SLX9: variants seen among roughly 807,000 people sequenced by gnomAD.
The protein encoded by SLX9 is ribosome biogenesis protein SLX9 homolog.
SLX9 carries 19 observed loss-of-function variants against 20.8 expected under a neutral mutation model. That is an observed-to-expected ratio of 0.91 (90% CI 0.64 to 1.34). SLX9 has a LOEUF of 1.34. SLX9 is among the 40% of genes most tolerant of loss of function. SLX9 has a pLI of 0.00. For synonymous variants in SLX9, 113 were observed against 137.1 expected, an observed-to-expected ratio of 0.82 and a Z score of 1.23; for missense variants, 299 against 322.2, an observed-to-expected ratio of 0.93 and a Z score of 0.55.
At chr21:44,956,324 G>A (rs2084857264) in intron 2 of SLX9, among the ~76,000 whole-genome samples, 1 of 152,180 alleles carries the variant, frequency 6.6e-6, no homozygotes, top group Non-Finnish European at 1.5e-5. Flanking sequence ...TTTTGTAGTA[G>A]TGCCTTTTTA....
At chr21:44,954,721 T>C (rs2049905) in intron 2 of SLX9, among the ~76,000 whole-genome samples, 136,127 of 152,206 alleles carry the variant, frequency 0.89, 61,048 homozygotes, top group African/African-American at 0.97. Flanking sequence ...ACTGCTCTTC[T>C]CTGCGGTGCT....
At chr21:44,943,549 C>T in intron 1 of SLX9, 135 bp from the exon 2 acceptor site, 2 of 1,240,936 alleles carry the variant, frequency 1.6e-6, no homozygotes, top group Non-Finnish European at 2.2e-6. Context: ...TTGTTTCCCC[C>T]AGGTCCTCCC....
At chr21:44,957,436 G>T (rs2084878424) in intron 2 of SLX9, among the ~76,000 whole-genome samples, 1 of 152,220 alleles carries the variant, frequency 6.6e-6, no homozygotes, top group South Asian at 2.1e-4. Flanking sequence ...TCAGGCAAGG[G>T]CACGGCTTCT....
Position 44,973,190 on chromosome 21 carries a change from T to G in SLX9, c.501-7T>G. On this transcript the variant is annotated splice_polypyrimidine_tract_variant and splice_region_variant and intron_variant, in intron 4 of 5. Coordinates refer to ENST00000291634, the MANE Select transcript of SLX9 (RefSeq NM_058190.4). The stretch of plus-strand genomic sequence containing the variant: ...TGCTGACTCACGTGGCTTCTCTGTG[T>G]CCACAGCAGGGAGAGCAACAAGCCC... The G allele has an allele frequency of 6.2e-7, 1 of 1,613,014 alleles. No individual in the cohort carries two copies. The highest frequency in any genetic ancestry group is 8.5e-7 in the Non-Finnish European group (1 of 1,179,746).
chr21:44,945,848 C>T (rs1283536312), intron 2 of SLX9, among the ~76,000 whole-genome samples: 5 of 152,204 alleles, frequency 3.3e-5, no homozygotes, highest in African/African-American at 4.8e-5. Flanking sequence ...GTAGCGGGGA[C>T]GGGACAACAG....
intron 2 of SLX9, among the ~76,000 whole-genome samples, chr21:44,945,920 A>C (rs986813178): frequency 6.6e-6 from 1 of 151,570 alleles, no homozygotes; most frequent in Admixed American, 6.6e-5. Flanking sequence ...TTTTTAGTAG[A>C]GATGGGGTTT....
chr21:44,950,084 A>G (rs1331658016), intron 2 of SLX9, among the ~76,000 whole-genome samples: 1 of 150,286 alleles, frequency 6.7e-6, no homozygotes, highest in Non-Finnish European at 1.5e-5. Context: ...CTGGGGTTAC[A>G]GGGTTGTCTT....
At chr21:44,949,514 G>A (rs1388835782) in intron 2 of SLX9, among the ~76,000 whole-genome samples, 1 of 152,146 alleles carries the variant, frequency 6.6e-6, no homozygotes, top group Non-Finnish European at 1.5e-5. Context: ...AGAACCCTCT[G>A]TGCAGCAGCA....
intron 1 of SLX9, among the ~76,000 whole-genome samples, chr21:44,942,210 G>A (rs1269604746): frequency 1.3e-5 from 2 of 152,224 alleles, no homozygotes; most frequent in Non-Finnish European, 2.9e-5. Context: ...TGATCTGGAA[G>A]GCTGCATGCT....
chr21:44,944,245 T>C (rs1353221612), intron 2 of SLX9, among the ~76,000 whole-genome samples: 1 of 152,246 alleles, frequency 6.6e-6, no homozygotes, highest in African/African-American at 2.4e-5. Flanking sequence ...TTTGTACAAA[T>C]AACTCTTGAG....
At chr21:44,948,172 G>T (rs558319835) in intron 2 of SLX9, among the ~76,000 whole-genome samples, 1 of 151,696 alleles carries the variant, frequency 6.6e-6, no homozygotes, top group Non-Finnish European at 1.5e-5. Context: ...AGCATCGGGC[G>T]ATCGGGCATC....
intron 4 of SLX9, among the ~76,000 whole-genome samples, chr21:44,967,489 C>T (rs2085060092): frequency 6.6e-6 from 1 of 152,096 alleles, no homozygotes; most frequent in Admixed American, 6.5e-5. Flanking sequence ...CCTGCCGGGT[C>T]CCACTGGGGG....
intron 1 of SLX9, 124 bp from the exon 2 acceptor site, chr21:44,943,560 G>C (rs770479656): frequency 3.7e-6 from 5 of 1,338,472 alleles, no homozygotes; most frequent in Non-Finnish European, 5.1e-6. Flanking sequence ...AGGTCCTCCC[G>C]GGCAGAGAAG....
intron 2 of SLX9, among the ~76,000 whole-genome samples, chr21:44,945,896 G>T (rs933201918): frequency 1.3e-5 from 2 of 152,192 alleles, no homozygotes; most frequent in African/African-American, 4.8e-5. Flanking sequence ...CACCACGCCC[G>T]GCTAATTTTT....
intron 5 of SLX9, 135 bp downstream of exon 5, chr21:44,973,400 C>T: frequency 1.6e-6 from 1 of 606,536 alleles, no homozygotes; most frequent in Non-Finnish European, 2.9e-6. Context: ...TGAGTGCCCT[C>T]ACCCCGCCCA....
intron 2 of SLX9, among the ~76,000 whole-genome samples, chr21:44,955,392 C>T (rs1484236953): frequency 6.6e-6 from 1 of 152,246 alleles, no homozygotes; most frequent in Admixed American, 6.5e-5. Flanking sequence ...CTTTCTCCAG[C>T]TTATTCCTGC....
intron 4 of SLX9, chr21:44,972,988 C>T (rs796348978): frequency 1.4e-5 from 9 of 636,074 alleles, no homozygotes; most frequent in Middle Eastern, 6.8e-4. Context: ...TTGTCCGGGG[C>T]GGTCACAGGA....
chr21:44,974,088 C>G (rs2085215142), intron 5 of SLX9, among the ~76,000 whole-genome samples: 1 of 152,214 alleles, frequency 6.6e-6, no homozygotes, highest in Non-Finnish European at 1.5e-5. Context: ...AATCTCCAGA[C>G]CACGCACGCT....
intron 4 of SLX9, 148 bp from the exon 5 acceptor site, chr21:44,973,049 G>A (rs184013082): frequency 1.4e-5 from 5 of 347,226 alleles, no homozygotes; most frequent in African/African-American, 8.0e-5. Flanking sequence ...TGGCCACAGT[G>A]CAGCTTGGAA....
Sources: gnomAD v4.1 joint callset for allele counts (sites outside exome capture counted in the v4.1 genomes callset) on GRCh38, gnomAD v4.1.1 for gene constraint, MANE v1.5 for transcripts, NCBI Gene and HGNC (gene_info 2026-07-23, HGNC 2026-07-21) for gene names.